SHISA9: variants seen among roughly 807,000 people sequenced by gnomAD.
SHISA9 encodes protein shisa-9.
In SHISA9, 13 loss-of-function variants were observed where a neutral mutation model predicts 38.0. The ratio of observed to expected loss-of-function variants is 0.34; its 90% CI spans 0.22 to 0.54. The LOEUF is 0.54. Among genes scored for constraint, SHISA9 ranks in the 20% least tolerant of loss-of-function variants. The pLI, the probability that SHISA9 is intolerant of heterozygous loss-of-function variation, is 0.91. For synonymous variants in SHISA9, 275 were observed against 242.0 expected (o/e 1.14, Z -1.27); for missense variants, 538 against 575.8 (o/e 0.93, Z 0.67).
chr16:13,426,119 G>T, the SHISA9 span, among the ~76,000 whole-genome samples: 31 of 152,232 alleles, frequency 2.0e-4, no homozygotes, highest in African/African-American at 6.7e-4. Context: ...CAGTTCAAAG[G>T]CTTCTGCGGA....
At chr16:13,492,456 T>C in the SHISA9 span, among the ~76,000 whole-genome samples, 2 of 152,218 alleles carry the variant, frequency 1.3e-5, no homozygotes, top group Non-Finnish European at 2.9e-5. Flanking sequence ...CAAATGGGTG[T>C]TCTTGGCAAG....
the SHISA9 span, among the ~76,000 whole-genome samples, chr16:13,403,069 A>C: frequency 1.3e-5 from 2 of 151,622 alleles, no homozygotes; most frequent in Admixed American, 6.6e-5. Context: ...GTGCCACTGC[A>C]CTCCAGCCTG....
chr16:13,180,559 A>G (rs2050768731), intron 2 of SHISA9, among the ~76,000 whole-genome samples: 1 of 152,174 alleles, frequency 6.6e-6, no homozygotes, highest in Non-Finnish European at 1.5e-5. Context: ...TTAGCTGGGC[A>G]GGGTGGCATG....
chr16:13,210,025 C>T (rs569120020), intron 3 of SHISA9, among the ~76,000 whole-genome samples: 332 of 152,182 alleles, frequency 2.2e-3, no homozygotes, highest in African/African-American at 4.4e-3. Context: ...GGCGTGAACC[C>T]GGGAGGCGGA....
the SHISA9 span, among the ~76,000 whole-genome samples, chr16:13,456,487 T>C: frequency 6.6e-6 from 1 of 152,206 alleles, no homozygotes. Context: ...GGGATGCCGA[T>C]GTCCATTCTT....
At chr16:13,555,722 C>T in the SHISA9 span, among the ~76,000 whole-genome samples, 1 of 152,140 alleles carries the variant, frequency 6.6e-6, no homozygotes, top group Non-Finnish European at 1.5e-5. Context: ...TTTAAGGCTA[C>T]CTACTAGACT....
At chr16:13,050,575 G>A (rs1292592949) in intron 2 of SHISA9, among the ~76,000 whole-genome samples, 3 of 152,166 alleles carry the variant, frequency 2.0e-5, no homozygotes, top group Admixed American at 1.3e-4. Flanking sequence ...CAAGCGGTCC[G>A]CTCTCTTCAG....
chr16:13,252,658 T>C, the SHISA9 span, among the ~76,000 whole-genome samples: 1 of 152,204 alleles, frequency 6.6e-6, no homozygotes, highest in Admixed American at 6.5e-5. Context: ...TCTATTATTT[T>C]CTTATTGCAT....
At chr16:13,122,186 G>C (rs545984988) in intron 2 of SHISA9, among the ~76,000 whole-genome samples, 4 of 152,262 alleles carry the variant, frequency 2.6e-5, no homozygotes, top group Non-Finnish European at 4.4e-5. Context: ...CTCTGGCTTT[G>C]AGAGTAAGAA....
chr16:13,260,631 A>G, the SHISA9 span, among the ~76,000 whole-genome samples: 1 of 152,288 alleles, frequency 6.6e-6, no homozygotes, highest in African/African-American at 2.4e-5. Context: ...TATTGATGTC[A>G]GTATTCTGGG....
intron 2 of SHISA9, among the ~76,000 whole-genome samples, chr16:13,193,601 C>T (rs554211814): frequency 6.6e-6 from 1 of 152,342 alleles, no homozygotes; most frequent in Admixed American, 6.5e-5. Context: ...CCGCCTTGGA[C>T]TCCCAAAGTG....
intron 2 of SHISA9, among the ~76,000 whole-genome samples, chr16:13,033,815 C>G (rs1175279181): frequency 6.6e-6 from 1 of 152,176 alleles, no homozygotes; most frequent in East Asian, 1.9e-4. Flanking sequence ...CAAGATGGTT[C>G]AGCCCATGAT....
the SHISA9 span, among the ~76,000 whole-genome samples, chr16:13,560,892 C>G: frequency 6.6e-6 from 1 of 151,920 alleles, no homozygotes; most frequent in Admixed American, 6.6e-5. Context: ...GAGACAGGGT[C>G]TCTCTCTGTC....
At chr16:13,172,799 G>C (rs2050698349) in intron 2 of SHISA9, among the ~76,000 whole-genome samples, 1 of 149,352 alleles carries the variant, frequency 6.7e-6, no homozygotes, top group Admixed American at 6.7e-5. Context: ...TGGGCCACGA[G>C]AGAGGAGGCG....
chr16:13,330,106 G>A, the SHISA9 span, among the ~76,000 whole-genome samples: 2 of 152,220 alleles, frequency 1.3e-5, no homozygotes, highest in Non-Finnish European at 2.9e-5. Context: ...AATGTTTGTT[G>A]TGGGAATGAC....
At chr16:13,404,485 A>T in the SHISA9 span, among the ~76,000 whole-genome samples, 1 of 152,194 alleles carries the variant, frequency 6.6e-6, no homozygotes, top group African/African-American at 2.4e-5. Flanking sequence ...AGGTAATTCC[A>T]GGCAGAGATA....
At position 13,028,602 on chromosome 16, in the gene SHISA9, C is replaced by T. The variant is rs116971888; in HGVS notation, c.691+111787C>T. Among the ~76,000 whole-genome samples, 626 of 152,184 alleles carry T rather than the reference C, an allele frequency of 4.1e-3. 3 individuals are homozygous for T. Among genetic ancestry groups the T allele is most frequent in the Non-Finnish European group, 6.1e-3 (418 of 68,010 alleles). Reference sequence around the variant, plus strand: ...CCTCCATGATTCAATTATCTCCTACCGGGTCCCTCCCACAACATTTGGGAA... The same window carrying T: ...CCTCCATGATTCAATTATCTCCTACTGGGTCCCTCCCACAACATTTGGGAA... On this transcript the variant is annotated intron_variant, in intron 2 of 4. Coordinates refer to ENST00000558583, the MANE Select transcript of SHISA9 (RefSeq NM_001145204.3).
intron 2 of SHISA9, among the ~76,000 whole-genome samples, chr16:12,959,061 CTT>C (rs1018749886): frequency 1.3e-5 from 2 of 152,118 alleles, no homozygotes; most frequent in African/African-American, 4.8e-5. Context: ...GAGCTGGAAT[CTT>C]ATATTGCAAT....
At chr16:13,526,018 A>G in the SHISA9 span, among the ~76,000 whole-genome samples, 1 of 152,224 alleles carries the variant, frequency 6.6e-6, no homozygotes, top group African/African-American at 2.4e-5. Flanking sequence ...TTGGCTGTAT[A>G]TCAGAATTAG....
Sources: allele counts gnomAD v4.1 joint callset (sites outside exome capture counted in the v4.1 genomes callset), GRCh38; gene constraint gnomAD v4.1.1; transcripts MANE v1.5; gene names NCBI Gene and HGNC (gene_info 2026-07-23, HGNC 2026-07-21).